OTOGL: variants seen among roughly 807,000 people sequenced by gnomAD.
The protein encoded by OTOGL is otogelin like.
In OTOGL, 285 loss-of-function variants were observed where a neutral mutation model predicts 318.5. The ratio of observed to expected loss-of-function variants is 0.89; its 90% CI spans 0.81 to 0.99. The LOEUF (loss-of-function observed/expected upper bound fraction) is 0.99, where lower values mean the gene tolerates loss of function less well. Ranked by LOEUF, OTOGL falls within the 50% of genes least tolerant of loss-of-function variation. The pLI is 0.00. For synonymous variants in OTOGL, 987 were observed against 936.5 expected (o/e 1.05, Z -0.99); for missense variants, 2,899 against 2,845.6 (o/e 1.02, Z -0.43).
chr12:80,312,139 A>G (rs1886673934), intron 30 of OTOGL, among the ~76,000 whole-genome samples: 1 of 152,234 alleles, frequency 6.6e-6, no homozygotes, highest in Admixed American at 6.5e-5. Flanking sequence ...GTTTTGATAT[A>G]GTGTCAAAGA....
At chr12:80,322,811 T>C (rs1054909533) in intron 34 of OTOGL, among the ~76,000 whole-genome samples, 2 of 152,174 alleles carry the variant, frequency 1.3e-5, no homozygotes, top group African/African-American at 2.4e-5. Flanking sequence ...AATACTTATC[T>C]GGTACAAGGC....
chr12:80,250,175 A>T (rs540754013), intron 11 of OTOGL, among the ~76,000 whole-genome samples: 1 of 152,200 alleles, frequency 6.6e-6, no homozygotes, highest in Non-Finnish European at 1.5e-5. Flanking sequence ...CTATTCGGCC[A>T]TCTTGGCTCG....
At chr12:80,316,198 C>G (rs1054939555) in intron 32 of OTOGL, among the ~76,000 whole-genome samples, 1 of 152,118 alleles carries the variant, frequency 6.6e-6, no homozygotes, top group African/African-American at 2.4e-5. Context: ...GCTACGTGGC[C>G]TACTGTATGG....
At chr12:80,102,397 C>A (rs1291371210) in intron 1 of OTOGL, among the ~76,000 whole-genome samples, 1 of 152,158 alleles carries the variant, frequency 6.6e-6, no homozygotes, top group Admixed American at 6.5e-5. Flanking sequence ...CTTGTATGAA[C>A]TGCACCAGCA....
chr12:80,359,791 G>C (rs1282938427), intron 52 of OTOGL, among the ~76,000 whole-genome samples: 1 of 152,006 alleles, frequency 6.6e-6, no homozygotes, highest in Non-Finnish European at 1.5e-5. Flanking sequence ...TGTGTACACT[G>C]TATATACATC....
At chr12:80,303,062 T>C (rs1355731331) in intron 28 of OTOGL, among the ~76,000 whole-genome samples, 2 of 152,238 alleles carry the variant, frequency 1.3e-5, no homozygotes, top group African/African-American at 2.4e-5. Flanking sequence ...GATCTGTTCA[T>C]AATGCAATTA....
At chr12:80,356,309 T>G in intron 47 of OTOGL, 107 bp from the exon 48 acceptor site, 1 of 815,304 alleles carries the variant, frequency 1.2e-6, no homozygotes, top group Non-Finnish European at 2.0e-6. Context: ...TGAGAGTCAT[T>G]TCCCGTCTTT....
intron 58 of OTOGL, 52 bp downstream of exon 58, chr12:80,377,254 G>A: frequency 7.2e-7 from 1 of 1,393,024 alleles, no homozygotes; most frequent in Non-Finnish European, 9.9e-7. Context: ...TTTTTAGAAA[G>A]TATGTGTGTT....
At chr12:80,312,141 T>A (rs1886674363) in intron 30 of OTOGL, among the ~76,000 whole-genome samples, 1 of 152,250 alleles carries the variant, frequency 6.6e-6, no homozygotes, top group African/African-American at 2.4e-5. Flanking sequence ...TTTGATATAG[T>A]GTCAAAGAAT....
intron 7 of OTOGL, among the ~76,000 whole-genome samples, chr12:80,226,417 C>T (rs1048683725): frequency 6.6e-6 from 1 of 151,868 alleles, no homozygotes; most frequent in African/African-American, 2.4e-5. Context: ...CTCTTTACTC[C>T]AGTCACTAAT....
Position 80,368,266 on chromosome 12 carries a change from C to A in OTOGL, c.6572C>A (p.Ser2191Tyr). The A allele has an allele frequency of 6.2e-7, 1 of 1,602,320 alleles. No individual in the cohort carries two copies. The highest frequency in any genetic ancestry group is 8.5e-7 in the Non-Finnish European group (1 of 1,173,318). Residue 2191 changes from serine to tyrosine, a missense_variant, in exon 55 of 59, where the codon TCC (serine) becomes TAC (tyrosine). Ser to Tyr is a moderately radical substitution (Grantham distance 144). Coordinates refer to ENST00000547103, the MANE Select transcript of OTOGL (RefSeq NM_001378609.3). The part of the protein sequence containing the change: ...YGCCGTCKNV[S>Y]CKFHMENGTS... The stretch of plus-strand genomic sequence containing the variant: ...TGTTGTGGTACCTGCAAAAATGTAT[C>A]CTGCAAATTTCACATGGAAAATGGA...
At chr12:80,278,983 T>TA in intron 25 of OTOGL, 45 bp from the exon 26 acceptor site, 2 of 1,573,088 alleles carry the variant, frequency 1.3e-6, no homozygotes, top group Non-Finnish European at 8.6e-7. Context: ...AATCACTAGT[T>TA]AGAGTCGTTT....
At chr12:80,253,794 T>A (rs1881785820) in intron 14 of OTOGL, among the ~76,000 whole-genome samples, 1 of 152,148 alleles carries the variant, frequency 6.6e-6, no homozygotes, top group Non-Finnish European at 1.5e-5. Flanking sequence ...ACATCTTATA[T>A]CCACATAATG....
At chr12:80,125,565 G>A (rs1357701077) in intron 1 of OTOGL, among the ~76,000 whole-genome samples, 1 of 152,180 alleles carries the variant, frequency 6.6e-6, no homozygotes, top group East Asian at 1.9e-4. Context: ...AATGAGTTAA[G>A]GAGGATTCTC....
intron 11 of OTOGL, among the ~76,000 whole-genome samples, chr12:80,250,306 C>A (rs1322682387): frequency 6.6e-6 from 1 of 152,086 alleles, no homozygotes; most frequent in South Asian, 2.1e-4. Flanking sequence ...ATAATAATTT[C>A]TTTCTTGCCC....
chr12:80,312,873 G>A (rs1054893821), intron 30 of OTOGL, among the ~76,000 whole-genome samples: 1 of 151,944 alleles, frequency 6.6e-6, no homozygotes, highest in African/African-American at 2.4e-5. Flanking sequence ...GTGCAGTGGT[G>A]CGATCTCAGC....
intron 1 of OTOGL, among the ~76,000 whole-genome samples, chr12:80,191,977 A>G (rs1875728482): frequency 1.3e-5 from 2 of 152,256 alleles, no homozygotes; most frequent in South Asian, 4.1e-4. Context: ...TTCACTTATA[A>G]GTTATTACAT....
At chr12:80,298,381 T>C (rs1426491842) in intron 27 of OTOGL, among the ~76,000 whole-genome samples, 1 of 152,188 alleles carries the variant, frequency 6.6e-6, no homozygotes, top group Admixed American at 6.5e-5. Context: ...CTCTGTAACT[T>C]TGGGCAGGTT....
chr12:80,370,205 A>G (rs1890790796), intron 55 of OTOGL, among the ~76,000 whole-genome samples: 1 of 152,006 alleles, frequency 6.6e-6, no homozygotes, highest in South Asian at 2.1e-4. Context: ...AGGAAATATT[A>G]GAGCAAGACC....
Sources: gnomAD v4.1 joint callset for allele counts (sites outside exome capture counted in the v4.1 genomes callset) on GRCh38, gnomAD v4.1.1 for gene constraint, MANE v1.5 for transcripts, NCBI Gene and HGNC (gene_info 2026-07-23, HGNC 2026-07-21) for gene names.